HPSE2: variants seen among roughly 807,000 people sequenced by gnomAD.
The protein encoded by HPSE2 is inactive heparanase-2.
In HPSE2, 38 loss-of-function variants were observed where a neutral mutation model predicts 60.5. The ratio of observed to expected loss-of-function variants is 0.63; its 90% CI spans 0.48 to 0.82. The LOEUF is 0.82. Among genes scored for constraint, HPSE2 ranks in the 40% least tolerant of loss-of-function variants. The pLI is 0.00. For missense variants in HPSE2, 713 were observed against 740.4 expected (o/e 0.96, Z 0.43); for synonymous variants, 295 against 293.2 (o/e 1.01, Z -0.06).
chr10:98,463,752 C>T (rs1469566394), intron 11 of HPSE2, among the ~76,000 whole-genome samples: 7 of 152,200 alleles, frequency 4.6e-5, no homozygotes, highest in African/African-American at 9.7e-5. Context: ...CTGCAGTAAG[C>T]TGAGACTGTG....
At chr10:99,214,208 A>T (rs2862529) in intron 2 of HPSE2, among the ~76,000 whole-genome samples, 2 of 151,982 alleles carry the variant, frequency 1.3e-5, no homozygotes, top group Admixed American at 6.5e-5. Context: ...GCCATTAACA[A>T]GTGTTGGCAT....
chr10:98,481,038 T>C (rs530226159), intron 11 of HPSE2, among the ~76,000 whole-genome samples: 1 of 152,244 alleles, frequency 6.6e-6, no homozygotes, highest in African/African-American at 2.4e-5. Flanking sequence ...CCTTGGCTTG[T>C]TAGACTAAAG....
chr10:98,797,747 G>A (rs748409374), intron 3 of HPSE2, among the ~76,000 whole-genome samples: 1 of 152,058 alleles, frequency 6.6e-6, no homozygotes, highest in Non-Finnish European at 1.5e-5. Flanking sequence ...GGGAGGCTGA[G>A]GCAGAAGAAT....
upstream of HPSE2, among the ~76,000 whole-genome samples, chr10:99,240,413 T>C (rs1297540114): frequency 1.3e-5 from 2 of 149,398 alleles, no homozygotes; most frequent in South Asian, 2.1e-4. Flanking sequence ...GATTTTCTTT[T>C]TTTTTTTTTT....
chr10:98,846,005 T>C (rs1952025985), intron 3 of HPSE2, among the ~76,000 whole-genome samples: 1 of 152,166 alleles, frequency 6.6e-6, no homozygotes, highest in Non-Finnish European at 1.5e-5. Context: ...GCCTGGCATG[T>C]GGTGTGGGAT....
chr10:99,027,243 G>A, intron 3 of HPSE2, among the ~76,000 whole-genome samples: 1 of 149,148 alleles, frequency 6.7e-6, no homozygotes. Flanking sequence ...AAAAAGGAGA[G>A]AAGATCCAAA....
At chr10:99,013,817 G>A (rs1210533332) in intron 3 of HPSE2, 1 of 299,200 alleles carries the variant, frequency 3.3e-6, no homozygotes, top group Non-Finnish European at 7.0e-6. Flanking sequence ...CCTATTGTAG[G>A]AGATGTATGT....
intron 9 of HPSE2, among the ~76,000 whole-genome samples, chr10:98,525,307 G>A (rs1349708216): frequency 6.6e-6 from 1 of 152,164 alleles, no homozygotes; most frequent in Non-Finnish European, 1.5e-5. Context: ...CACTGCGCTG[G>A]GCCTAACGGC....
chr10:98,751,304 G>A (rs1949752463), intron 3 of HPSE2, among the ~76,000 whole-genome samples: 1 of 152,060 alleles, frequency 6.6e-6, no homozygotes, highest in South Asian at 2.1e-4. Flanking sequence ...AGAAATGATG[G>A]AGCAACAACT....
chr10:98,508,278 A>G (rs1942268008), intron 9 of HPSE2, among the ~76,000 whole-genome samples: 1 of 152,236 alleles, frequency 6.6e-6, no homozygotes. Context: ...TATTTGTCAA[A>G]AAGTCAATTG....
intron 3 of HPSE2, among the ~76,000 whole-genome samples, chr10:99,141,952 A>G (rs1441400085): frequency 1.3e-5 from 2 of 152,268 alleles, no homozygotes; most frequent in African/African-American, 4.8e-5. Flanking sequence ...AACAATTACT[A>G]TACACCCATA....
chr10:98,745,080 T>C (rs1949596115), intron 3 of HPSE2, among the ~76,000 whole-genome samples: 1 of 152,144 alleles, frequency 6.6e-6, no homozygotes, highest in Non-Finnish European at 1.5e-5. Context: ...CGGCTGCCTG[T>C]AGTCCCAGCT....
At chr10:98,966,303 G>C (rs1955813211) in intron 3 of HPSE2, among the ~76,000 whole-genome samples, 1 of 152,174 alleles carries the variant, frequency 6.6e-6, no homozygotes, top group Non-Finnish European at 1.5e-5. Flanking sequence ...TAGCTTGTGT[G>C]AAGGTTCTGA....
At chr10:99,223,532 A>G (rs1849379045) in intron 2 of HPSE2, among the ~76,000 whole-genome samples, 2 of 152,138 alleles carry the variant, frequency 1.3e-5, no homozygotes, top group Non-Finnish European at 2.9e-5. Flanking sequence ...GCATGCACCC[A>G]TCTTTTCTAA....
At chr10:98,479,249 C>T (rs1403944242) in intron 11 of HPSE2, among the ~76,000 whole-genome samples, 1 of 152,184 alleles carries the variant, frequency 6.6e-6, no homozygotes, top group Non-Finnish European at 1.5e-5. Context: ...TCTATATCCT[C>T]TTCCTGGTTC....
chr10:99,073,448 G>C (rs1589612436), intron 3 of HPSE2, among the ~76,000 whole-genome samples: 1 of 151,942 alleles, frequency 6.6e-6, no homozygotes, highest in South Asian at 2.1e-4. Context: ...ACACAGGGAG[G>C]AGAACAACAT....
At chr10:98,778,022 C>T (rs948906527) in intron 3 of HPSE2, among the ~76,000 whole-genome samples, 1 of 152,084 alleles carries the variant, frequency 6.6e-6, no homozygotes, top group African/African-American at 2.4e-5. Flanking sequence ...ATGATTTCTT[C>T]TGGTTTGGCC....
chr10:98,582,100 G>A lies in HPSE2; in HGVS notation c.1320+32804C>T, dbSNP rs537465082. On this transcript the variant is annotated intron_variant, in intron 9 of 11. Coordinates refer to ENST00000370552, the MANE Select transcript of HPSE2 (RefSeq NM_021828.5). The stretch of plus-strand genomic sequence containing the variant: ...CCTCCTGCACTTAAACAGAGGGTTC[G>A]AAATAAACCATGATAGCATCGTGAT... Among the ~76,000 whole-genome samples, 21 of 152,216 alleles carry A rather than the reference G, an allele frequency of 1.4e-4. No homozygotes were observed. In the South Asian group the frequency reaches 3.5e-3, roughly 26 times the overall value.
intron 9 of HPSE2, among the ~76,000 whole-genome samples, chr10:98,544,187 T>C (rs546125985): frequency 6.6e-6 from 1 of 152,174 alleles, no homozygotes; most frequent in African/African-American, 2.4e-5. Context: ...CACCCAAAAC[T>C]GCTCAAGTAC....
Sources: allele counts gnomAD v4.1 joint callset (sites outside exome capture counted in the v4.1 genomes callset), GRCh38; gene constraint gnomAD v4.1.1; transcripts MANE v1.5; gene names NCBI Gene and HGNC (gene_info 2026-07-23, HGNC 2026-07-21).